The following TNIK variants were observed in gnomAD, a reference collection of about 807,000 sequenced individuals.
The protein encoded by TNIK is TRAF2 and NCK interacting kinase, also known as TRAF2 and NCK-interacting protein kinase.
TNIK carries 49 observed loss-of-function variants against 191.3 expected under a neutral mutation model. The observed-to-expected ratio is 0.26, with a 90% confidence interval of 0.20 to 0.32. The LOEUF (loss-of-function observed/expected upper bound fraction) is 0.32. Among genes scored for constraint, TNIK ranks in the 10% least tolerant of loss-of-function variants. The pLI is 1.00. For missense variants in TNIK, 1,155 were observed against 1,702.3 expected (o/e 0.68, Z 5.66); for synonymous variants, 594 against 600.9 (o/e 0.99, Z 0.17).
At chr3:171,312,744 C>T (rs536890816) in intron 2 of TNIK, among the ~76,000 whole-genome samples, 17 of 152,188 alleles carry the variant, frequency 1.1e-4, no homozygotes, top group African/African-American at 3.6e-4. Context: ...TGGAATGTCA[C>T]GATGTCCAGT....
At chr3:171,101,027 T>C (rs1343882261) in intron 22 of TNIK, among the ~76,000 whole-genome samples, 1 of 152,130 alleles carries the variant, frequency 6.6e-6, no homozygotes, top group African/African-American at 2.4e-5. Context: ...TCCTTGCTTG[T>C]TGGTGGCAGT....
chr3:171,222,405 C>A (rs1263750674), intron 3 of TNIK, among the ~76,000 whole-genome samples: 1 of 152,058 alleles, frequency 6.6e-6, no homozygotes, highest in Non-Finnish European at 1.5e-5. Flanking sequence ...ACTAAGTACT[C>A]ATTTAAGTAC....
chr3:171,208,422 T>C (rs1453417040), intron 4 of TNIK, among the ~76,000 whole-genome samples: 1 of 152,168 alleles, frequency 6.6e-6, no homozygotes, highest in South Asian at 2.1e-4. Flanking sequence ...ACCTCAAATA[T>C]TTTCAACACA....
intron 1 of TNIK, among the ~76,000 whole-genome samples, chr3:171,397,858 C>T (rs1305739833): frequency 6.6e-6 from 1 of 152,024 alleles, no homozygotes; most frequent in Non-Finnish European, 1.5e-5. Flanking sequence ...ATGCTTATTT[C>T]TGTGGTCTAG....
chr3:171,173,521 G>A (rs1291600959), intron 9 of TNIK, among the ~76,000 whole-genome samples: 1 of 152,202 alleles, frequency 6.6e-6, no homozygotes, highest in Non-Finnish European at 1.5e-5. Flanking sequence ...TCCTAAATGG[G>A]AGCAGCAGCT....
At chr3:171,162,150 G>A (rs903423485) in intron 10 of TNIK, among the ~76,000 whole-genome samples, 2 of 152,064 alleles carry the variant, frequency 1.3e-5, no homozygotes, top group Non-Finnish European at 2.9e-5. Context: ...GGCCGGGTGC[G>A]GTGGTTCACG....
chr3:171,448,186 T>C (rs1727736554), intron 1 of TNIK, among the ~76,000 whole-genome samples: 1 of 152,122 alleles, frequency 6.6e-6, no homozygotes, highest in South Asian at 2.1e-4. Flanking sequence ...TTAATTCACA[T>C]TCCATAAGAC....
At position 171,063,590 on chromosome 3, in the gene TNIK, T is replaced by G. The variant is rs938440020; in HGVS notation, c.*291A>C. On this transcript the variant is annotated 3_prime_UTR_variant, in exon 33 of 33. Coordinates refer to ENST00000436636, the MANE Select transcript of TNIK (RefSeq NM_015028.4). Reference sequence around the variant, plus strand: ...GCTTAATCGTTAAGAGCACACAATATTTGTTTCTATCCCTAATTCCGAAGG... The same window carrying G: ...GCTTAATCGTTAAGAGCACACAATAGTTGTTTCTATCCCTAATTCCGAAGG... 12 of 289,628 alleles carry G rather than the reference T, an allele frequency of 4.1e-5. No homozygotes were observed. Among genetic ancestry groups the G allele is most frequent in the Non-Finnish European group, 7.0e-5 (11 of 156,412 alleles). 17.9% of individuals were successfully genotyped at this position (289,628 alleles called of 1,614,324 possible).
intron 1 of TNIK, among the ~76,000 whole-genome samples, chr3:171,417,359 G>C (rs1406791875): frequency 6.6e-6 from 1 of 152,044 alleles, no homozygotes; most frequent in Non-Finnish European, 1.5e-5. Flanking sequence ...GCTAACAAAG[G>C]CTTGTTTCAC....
chr3:171,197,971 CA>C (rs1738911108), intron 4 of TNIK, among the ~76,000 whole-genome samples: 1 of 151,842 alleles, frequency 6.6e-6, no homozygotes, highest in East Asian at 1.9e-4. Context: ...CATGAGTGTT[CA>C]AAGTAGCACT....
chr3:171,264,753 A>T (rs1023993246), intron 2 of TNIK, among the ~76,000 whole-genome samples: 4 of 152,146 alleles, frequency 2.6e-5, no homozygotes, highest in Non-Finnish European at 4.4e-5. Context: ...TTAAAGGGGG[A>T]TAATCTCTTA....
intron 1 of TNIK, among the ~76,000 whole-genome samples, chr3:171,449,983 C>A (rs1276004332): frequency 6.6e-6 from 1 of 151,672 alleles, no homozygotes; most frequent in Non-Finnish European, 1.5e-5. Context: ...TTGCAGTCAG[C>A]CAACACGGTG....
In TNIK at chr3:171,356,003, G is replaced by A. The variant is rs141657183; in HGVS notation, c.123+13617C>T. Among the ~76,000 whole-genome samples the A allele has an allele frequency of 3.8e-3, 577 of 152,170 alleles. 8 individuals carry two copies. Among genetic ancestry groups the A allele is most frequent in the African/African-American group, 0.013 (526 of 41,492 alleles). On this transcript the variant is annotated intron_variant, in intron 2 of 32. Coordinates refer to ENST00000436636, the MANE Select transcript of TNIK (RefSeq NM_015028.4). Reference sequence around the variant, plus strand: ...GTAACAGGTAACTGGCCTTCCCCCTGCTTGGAATAGAGGAAAAGTACAAAT... The same window carrying A: ...GTAACAGGTAACTGGCCTTCCCCCTACTTGGAATAGAGGAAAAGTACAAAT...
intron 28 of TNIK, among the ~76,000 whole-genome samples, chr3:171,072,895 C>T (rs549035712): frequency 2.5e-4 from 38 of 152,118 alleles, no homozygotes; most frequent in African/African-American, 9.1e-4. Context: ...AGGAGAACTA[C>T]AAAGCACTGA....
chr3:171,394,512 A>G (rs946585376), intron 1 of TNIK, among the ~76,000 whole-genome samples: 1 of 152,196 alleles, frequency 6.6e-6, no homozygotes, highest in East Asian at 1.9e-4. Context: ...CACAAAGGGA[A>G]AGGTTGTGCC....
intron 2 of TNIK, among the ~76,000 whole-genome samples, chr3:171,343,459 A>C (rs777644377): frequency 6.6e-6 from 1 of 152,214 alleles, no homozygotes; most frequent in Non-Finnish European, 1.5e-5. Flanking sequence ...CACTGGGGAA[A>C]GAGAAGCCTG....
chr3:171,121,693 G>A (rs1321696714), intron 18 of TNIK, among the ~76,000 whole-genome samples: 1 of 152,192 alleles, frequency 6.6e-6, no homozygotes, highest in Non-Finnish European at 1.5e-5. Context: ...ATTATATTGT[G>A]CAGCAAAGGT....
intron 3 of TNIK, among the ~76,000 whole-genome samples, chr3:171,227,898 A>G (rs1473229741): frequency 6.6e-6 from 1 of 152,188 alleles, no homozygotes; most frequent in Admixed American, 6.5e-5. Context: ...TGCTATAGTA[A>G]TCAACAAATT....
intron 17 of TNIK, among the ~76,000 whole-genome samples, chr3:171,125,343 T>TA (rs1728323373): frequency 6.6e-6 from 1 of 152,192 alleles, no homozygotes; most frequent in South Asian, 2.1e-4. Context: ...TTCTGTCCAG[T>TA]GGAATGGCTG....
Sources: gnomAD v4.1 joint callset for allele counts (sites outside exome capture counted in the v4.1 genomes callset) on GRCh38, gnomAD v4.1.1 for gene constraint, MANE v1.5 for transcripts, NCBI Gene and HGNC (gene_info 2026-07-23, HGNC 2026-07-21) for gene names.